CAST: variants seen among roughly 807,000 people sequenced by gnomAD.
CAST encodes calpastatin.
CAST carries 76 observed loss-of-function variants against 119.6 expected under a neutral mutation model. The observed-to-expected ratio is 0.64, with a 90% confidence interval of 0.53 to 0.77. The LOEUF is 0.77. CAST is among the 30% of genes least tolerant of loss of function. The pLI, the probability that CAST is intolerant of heterozygous loss-of-function variation, is 0.00. For missense variants in CAST, 953 were observed against 946.5 expected (o/e 1.01, Z -0.09); for synonymous variants, 319 against 331.6 (o/e 0.96, Z 0.41).
chr5:96,246,112 A>C, the CAST span, among the ~76,000 whole-genome samples: 1 of 151,814 alleles, frequency 6.6e-6, no homozygotes, highest in African/African-American at 2.4e-5. Flanking sequence ...TTTAAAAAAC[A>C]CAGACTCCAG....
chr5:96,350,886 G>A, the CAST span, among the ~76,000 whole-genome samples: 1 of 152,112 alleles, frequency 6.6e-6, no homozygotes, highest in Admixed American at 6.6e-5. Flanking sequence ...GATTGTTTCA[G>A]CTTGAAAATG....
chr5:96,368,774 T>C, the CAST span, among the ~76,000 whole-genome samples: 1 of 152,104 alleles, frequency 6.6e-6, no homozygotes, highest in African/African-American at 2.4e-5. Flanking sequence ...TCTATTACTT[T>C]TCTGAAAAGT....
At chr5:96,100,146 A>T in the CAST span, among the ~76,000 whole-genome samples, 1 of 152,154 alleles carries the variant, frequency 6.6e-6, no homozygotes, top group East Asian at 1.9e-4. Context: ...TGATTAGCTG[A>T]TCTTCCCAGG....
chr5:95,988,465 T>C, the CAST span, among the ~76,000 whole-genome samples: 1 of 152,128 alleles, frequency 6.6e-6, no homozygotes, highest in Non-Finnish European at 1.5e-5. Flanking sequence ...TAAATAAGTG[T>C]CTGTAACTGA....
chr5:96,071,124 A>G, the CAST span, among the ~76,000 whole-genome samples: 1 of 152,054 alleles, frequency 6.6e-6, no homozygotes, highest in Non-Finnish European at 1.5e-5. Flanking sequence ...GTAGACAGTC[A>G]CATGCTGTGG....
intron 2 of CAST, among the ~76,000 whole-genome samples, chr5:96,681,725 T>A (rs1236662282): frequency 1.8e-5 from 2 of 113,380 alleles, no homozygotes; most frequent in African/African-American, 6.9e-5. Context: ...AGAGCGAGAC[T>A]CCGTCTCAAA....
chr5:96,666,794 T>A (rs1749393231), intron 1 of CAST, among the ~76,000 whole-genome samples: 1 of 152,182 alleles, frequency 6.6e-6, no homozygotes, highest in South Asian at 2.1e-4. Context: ...ACAGGTGCCT[T>A]TTAAAGAATG....
chr5:96,247,923 T>C, the CAST span: 1 of 152,198 alleles, frequency 6.6e-6, no homozygotes, highest in Non-Finnish European at 1.5e-5. Context: ...TGTGCAGAGA[T>C]GCACTGCTTG....
chr5:96,600,904 A>G (rs1027616510), intron 1 of CAST, among the ~76,000 whole-genome samples: 20 of 152,302 alleles, frequency 1.3e-4, no homozygotes, highest in African/African-American at 4.6e-4. Context: ...ATAGCCACCA[A>G]TGAAAACATC....
the CAST span, chr5:96,393,248 T>G: frequency 1.2e-6 from 2 of 1,613,936 alleles, no homozygotes; most frequent in East Asian, 4.5e-5. Flanking sequence ...GAAAGCACTT[T>G]GCAGGAGTCG....
Position 96,742,751 on chromosome 5 carries a change from G to C in CAST, c.1195G>C (p.Asp399His). The part of the protein sequence containing the change: ...ELDLRSIKEV[D>H]EAKAKEEKLE... Reference sequence around the variant, plus strand: ...CGACCTCCGCTCAATTAAGGAAGTCGATGAGGTACTGACCTTAGAGTTGAT... The same window carrying C: ...CGACCTCCGCTCAATTAAGGAAGTCCATGAGGTACTGACCTTAGAGTTGAT... The change falls in exon 16 of 32, where the codon GAT becomes CAT. Residue 399 changes from aspartate (D) to histidine (H), a missense_variant. Coordinates refer to ENST00000675179, the MANE Select transcript of CAST (RefSeq NM_001750.7). The C allele has an allele frequency of 6.2e-7, 1 of 1,610,898 alleles. No individual in the cohort carries two copies. Among genetic ancestry groups the C allele is most frequent in the Non-Finnish European group, 8.5e-7 (1 of 1,177,140 alleles).
chr5:96,024,975 A>G, the CAST span, among the ~76,000 whole-genome samples: 1 of 152,142 alleles, frequency 6.6e-6, no homozygotes, highest in Non-Finnish European at 1.5e-5. Flanking sequence ...ATTTATTTCT[A>G]ACCACATTAA....
chr5:96,515,475 T>C, the CAST span, among the ~76,000 whole-genome samples: 1 of 152,126 alleles, frequency 6.6e-6, no homozygotes, highest in Non-Finnish European at 1.5e-5. Flanking sequence ...AGGTTTGGCT[T>C]CCTGGTGCTA....
At chr5:96,573,721 A>C (rs1746615094) in intron 1 of CAST, among the ~76,000 whole-genome samples, 1 of 152,216 alleles carries the variant, frequency 6.6e-6, no homozygotes, top group Non-Finnish European at 1.5e-5. Flanking sequence ...CTCACACTGC[A>C]AACAAGATAG....
At chr5:96,221,879 A>G in the CAST span, among the ~76,000 whole-genome samples, 1 of 152,202 alleles carries the variant, frequency 6.6e-6, no homozygotes, top group Non-Finnish European at 1.5e-5. Context: ...TATAGTAACC[A>G]AAACAGCATC....
the CAST span, among the ~76,000 whole-genome samples, chr5:96,285,301 A>G: frequency 1.3e-5 from 2 of 152,226 alleles, no homozygotes; most frequent in Non-Finnish European, 2.9e-5. Flanking sequence ...TCACGTGTTG[A>G]TAAGTAGTGT....
the CAST span, among the ~76,000 whole-genome samples, chr5:96,013,794 A>G: frequency 6.6e-6 from 1 of 152,190 alleles, no homozygotes; most frequent in Non-Finnish European, 1.5e-5. Context: ...TAGAGTATAA[A>G]GGATACAAAA....
the CAST span, among the ~76,000 whole-genome samples, chr5:96,325,637 G>A: frequency 2.0e-5 from 3 of 151,776 alleles, no homozygotes; most frequent in African/African-American, 4.8e-5. Flanking sequence ...ATGCTACCAC[G>A]TCCGGCTAAG....
rs903912564 is a variant in CAST at position 96,617,816 on chromosome 5, A to T, written c.61-57723A>T. Among the ~76,000 whole-genome samples the T allele has an allele frequency of 2.1e-5, 3 of 142,642 alleles. No homozygotes were observed. In the East Asian group the frequency reaches 6.1e-4, roughly 29 times the overall value. 93.6% of individuals were successfully genotyped at this position (142,642 alleles called of 152,430 possible). A position where few individuals can be genotyped will look rare whatever the true frequency, so the allele number is the denominator to read the frequency against. On this transcript the variant is annotated intron_variant, in intron 1 of 11. Transcript: ENST00000505143. ...AAAAAAAAAAAAAAAAAAAAAAAAA[A>T]AAAAAAAAAAAAACACTCTTAGGAG...
Sources: gnomAD v4.1 joint callset for allele counts (sites outside exome capture counted in the v4.1 genomes callset) on GRCh38, gnomAD v4.1.1 for gene constraint, MANE v1.5 for transcripts, NCBI Gene and HGNC (gene_info 2026-07-23, HGNC 2026-07-21) for gene names.